The following TOX variants were observed in gnomAD, a reference collection of about 807,000 sequenced individuals.
TOX encodes thymocyte selection-associated high mobility group box protein TOX.
TOX carries 11 observed loss-of-function variants against 53.7 expected under a neutral mutation model. The observed-to-expected ratio is 0.20, with a 90% CI of 0.13 to 0.34. The LOEUF (loss-of-function observed/expected upper bound fraction) is 0.34. Among genes scored for constraint, TOX ranks in the 10% least tolerant of loss-of-function variants. The pLI, the probability that TOX is intolerant of heterozygous loss-of-function variation, is 1.00. For synonymous variants in TOX, 225 were observed against 245.3 expected (o/e 0.92, Z 0.77); for missense variants, 570 against 664.6 (o/e 0.86, Z 1.56).
At chr8:59,036,242 C>T (rs1814456180) in intron 1 of TOX, among the ~76,000 whole-genome samples, 1 of 152,106 alleles carries the variant, frequency 6.6e-6, no homozygotes, top group African/African-American at 2.4e-5. Context: ...GGGTGTGGGA[C>T]GTTCTTTACT....
At position 58,851,647 on chromosome 8, in the gene TOX, T is replaced by C; in HGVS notation, c.570A>G (p.Gln190=). Residue 190 remains glutamine, a synonymous_variant, in exon 4 of 9, where the codon CAA becomes CAG. Coordinates refer to ENST00000361421, the MANE Select transcript of TOX (RefSeq NM_014729.3). The surrounding 1 kb of genome is among the most constrained non-coding windows in gnomAD (Gnocchi z 4.4). The part of the protein sequence containing the change: ...TTINQSQLSA[Q]LGLNMGGSNV... ...TGCTTCCTCCCATATTCAAACCAAG[T>C]TGAGCACTTAGCTGTGACTGGTTAA... The C allele has an allele frequency of 1.2e-6, 2 of 1,613,700 alleles. No homozygotes were observed. The highest frequency in any genetic ancestry group is 1.3e-5 in the African/African-American group (1 of 74,984).
chr8:59,058,118 T>A (rs1803915419), intron 1 of TOX, among the ~76,000 whole-genome samples: 1 of 152,248 alleles, frequency 6.6e-6, no homozygotes, highest in Admixed American at 6.5e-5. Flanking sequence ...AAAAAAATGA[T>A]TAAGCAACTA....
intron 3 of TOX, among the ~76,000 whole-genome samples, chr8:58,859,870 A>G (rs1045137427): frequency 2.6e-5 from 4 of 150,988 alleles, no homozygotes; most frequent in Non-Finnish European, 1.5e-5. Flanking sequence ...TTGTTTGTAC[A>G]TCGTCTCCCA....
intron 4 of TOX, among the ~76,000 whole-genome samples, chr8:58,843,917 A>G (rs540847705): frequency 1.3e-5 from 2 of 152,314 alleles, no homozygotes; most frequent in African/African-American, 2.4e-5. Flanking sequence ...ATCCATTTTC[A>G]TGTCAGTAAC....
In TOX at chr8:58,807,233, C is replaced by T. The variant is rs2129163427; in HGVS notation, c.*514G>A. The T allele has an allele frequency of 6.5e-6, 1 of 152,728 alleles. No individual in the cohort carries two copies. The highest frequency in any genetic ancestry group is 1.9e-4 in the East Asian group (1 of 5,180). The allele number at this position is 152,728 out of a possible 1,614,324, so 9.5% of individuals were successfully genotyped here. A position where few individuals can be genotyped will look rare whatever the true frequency, so the allele number is the denominator to read the frequency against. ...ATATGAATGTTTGCCAATTTAACCC[C>T]TATTGTGAAATCAATAAACTGGAAT... is the stretch of plus-strand genomic sequence containing the variant. On this transcript the variant is annotated 3_prime_UTR_variant, in exon 9 of 9. Coordinates refer to ENST00000361421, the MANE Select transcript of TOX (RefSeq NM_014729.3).
intron 1 of TOX, among the ~76,000 whole-genome samples, chr8:59,110,152 T>C (rs1192207728): frequency 6.6e-6 from 1 of 152,170 alleles, no homozygotes; most frequent in Non-Finnish European, 1.5e-5. Flanking sequence ...ATGAACAGTC[T>C]TTTATGCCCT....
chr8:58,998,577 A>ATGTAATAAATATATG (rs1813625799), intron 1 of TOX, among the ~76,000 whole-genome samples: 1 of 70,372 alleles, frequency 1.4e-5, no homozygotes, highest in Non-Finnish European at 2.6e-5. Flanking sequence ...AAATGTATAT[A>ATGTAATAAATATATG]TAATAAATTT....
intron 3 of TOX, among the ~76,000 whole-genome samples, chr8:58,863,567 A>T (rs1390094963): frequency 6.6e-6 from 1 of 152,160 alleles, no homozygotes; most frequent in East Asian, 1.9e-4. Context: ...CAAAGCCTAT[A>T]TCATAACCAT....
intron 2 of TOX, among the ~76,000 whole-genome samples, chr8:58,953,298 C>T (rs894510828): frequency 2.6e-5 from 4 of 152,058 alleles, no homozygotes; most frequent in East Asian, 1.9e-4. Context: ...GCTCTTAAGA[C>T]ATTTTTATAA....
intron 1 of TOX, among the ~76,000 whole-genome samples, chr8:59,050,940 T>C (rs977080169): frequency 6.6e-6 from 1 of 152,138 alleles, no homozygotes; most frequent in African/African-American, 2.4e-5. Flanking sequence ...TCATCTAACA[T>C]TTATGAGAGT....
intron 7 of TOX, 36 bp downstream of exon 7, chr8:58,815,302 G>A (rs768518675): frequency 1.3e-6 from 2 of 1,553,522 alleles, no homozygotes; most frequent in Admixed American, 1.8e-5. Context: ...TTCAGAATAG[G>A]GGTGCACACT....
Position 58,829,642 on chromosome 8 carries a change from G to A in TOX, c.925-2740C>T, listed in dbSNP as rs115419530. ...AACAGTAATTAGCACCTCAATCTTTGAGAACTACCTGATGGCTCCCATTTT... is the reference window on the plus strand; with the variant it reads ...AACAGTAATTAGCACCTCAATCTTTAAGAACTACCTGATGGCTCCCATTTT... On this transcript the variant is annotated intron_variant, in intron 5 of 8. Transcript: ENST00000361421. 6.0e-3 allele frequency among the ~76,000 whole-genome samples: 913 copies of A among 152,218 alleles called. 7 individuals are homozygous for A. The highest frequency in any genetic ancestry group is 0.021 in the African/African-American group (854 of 41,534).
In TOX at chr8:59,000,634, T is replaced by C. The variant is rs1476886398; in HGVS notation, c.103-40626A>G. Reference sequence around the variant, plus strand: ...TAACTTGACTCAAATCATTTAGTATTATTGTTACTCAGTAGGTAACTTGCT... The same window carrying C: ...TAACTTGACTCAAATCATTTAGTATCATTGTTACTCAGTAGGTAACTTGCT... On this transcript the variant is annotated intron_variant, in intron 1 of 8. Transcript: ENST00000361421. Among the ~76,000 whole-genome samples, 8 of 152,306 alleles carry C rather than the reference T, an allele frequency of 5.3e-5. No individual in the cohort carries two copies. The South Asian group carries it at 1.2e-3, about 24-fold the overall frequency.
Position 58,808,223 on chromosome 8 carries a change from G to T in TOX, c.1439C>A (p.Ser480Tyr). The change falls in exon 8 of 9, where the codon TCT (serine) becomes TAT (tyrosine). Residue 480 changes from serine to tyrosine, a missense_variant. By Grantham distance (144) the Ser-to-Tyr change is moderately radical (BLOSUM62 -2). Around this residue, in one of 3 missense-constraint regions of TOX, gnomAD observed 239 missense variants for 250.7 expected, o/e 0.95. Coordinates refer to ENST00000361421, the MANE Select transcript of TOX (RefSeq NM_014729.3). ...PDYQTIINPT[S>Y]TAAQVVTQAM... ...CTGGGTGACAACTTGTGCAGCTGTAGATGTAGGATTGATAATAGTCTGATA... is the reference window on the plus strand; with the variant it reads ...CTGGGTGACAACTTGTGCAGCTGTATATGTAGGATTGATAATAGTCTGATA... 2 of 1,614,106 alleles carry T rather than the reference G, an allele frequency of 1.2e-6. No individual in the cohort carries two copies.
intron 2 of TOX, among the ~76,000 whole-genome samples, chr8:58,954,246 A>C (rs956136284): frequency 6.6e-6 from 1 of 152,194 alleles, no homozygotes; most frequent in Non-Finnish European, 1.5e-5. Flanking sequence ...CACTGACACA[A>C]AGATAAAGGT....
chr8:59,023,374 T>C (rs1326676425), intron 1 of TOX, among the ~76,000 whole-genome samples: 1 of 13,346 alleles, frequency 7.5e-5, no homozygotes, highest in Non-Finnish European at 1.9e-4. Context: ...ATTTTCAATA[T>C]TTGAGAATCA....
At chr8:58,964,219 G>A (rs1013667175) in intron 1 of TOX, among the ~76,000 whole-genome samples, 1 of 152,116 alleles carries the variant, frequency 6.6e-6, no homozygotes, top group Non-Finnish European at 1.5e-5. Context: ...ATATAGACTG[G>A]TCAGGAATCA....
At chr8:59,078,708 C>G (rs370804088) in intron 1 of TOX, among the ~76,000 whole-genome samples, 269 of 152,148 alleles carry the variant, frequency 1.8e-3, no homozygotes, top group African/African-American at 6.3e-3. Flanking sequence ...TGGGGCTTTG[C>G]TATAAAGATA....
intron 1 of TOX, among the ~76,000 whole-genome samples, chr8:58,966,284 C>T (rs1005802656): frequency 1.3e-5 from 2 of 152,154 alleles, no homozygotes; most frequent in Admixed American, 1.3e-4. Context: ...AAGTGGATCA[C>T]ACTGAAAGGA....
Sources: allele counts gnomAD v4.1 joint callset (sites outside exome capture counted in the v4.1 genomes callset), GRCh38; gene constraint gnomAD v4.1.1; regional missense constraint gnomAD v4.1.1; non-coding constraint Gnocchi (gnomAD v3.1); transcripts MANE v1.5; gene names NCBI Gene and HGNC (gene_info 2026-07-23, HGNC 2026-07-21).